ARHGEF3: variants seen among roughly 807,000 people sequenced by gnomAD.
ARHGEF3 encodes the protein Rho guanine nucleotide exchange factor 3.
Under a neutral mutation model 63.2 loss-of-function variants are expected in ARHGEF3, and 28 were observed. The ratio of observed to expected loss-of-function variants is 0.44; its 90% CI spans 0.33 to 0.61. The LOEUF (loss-of-function observed/expected upper bound fraction) is 0.61, where lower values mean the gene tolerates loss of function less well. Among genes scored for constraint, ARHGEF3 ranks in the 20% least tolerant of loss-of-function variants. The pLI is 0.03. For missense variants in ARHGEF3, 533 were observed against 659.3 expected (o/e 0.81, Z 2.10); for synonymous variants, 266 against 254.2 (o/e 1.05, Z -0.44).
At chr3:56,907,297 T>A (rs1201826037) in intron 3 of ARHGEF3, among the ~76,000 whole-genome samples, 1 of 152,268 alleles carries the variant, frequency 6.6e-6, no homozygotes, top group African/African-American at 2.4e-5. Flanking sequence ...CTACTTCTAT[T>A]GGACAACACT....
chr3:56,920,931 T>C (rs2042113910), intron 3 of ARHGEF3, among the ~76,000 whole-genome samples: 1 of 151,588 alleles, frequency 6.6e-6, no homozygotes, highest in African/African-American at 2.4e-5. Flanking sequence ...GGCGGGCACC[T>C]GTAGTCCCAG....
intron 1 of ARHGEF3, among the ~76,000 whole-genome samples, chr3:57,070,983 A>G (rs1705862376): frequency 6.7e-6 from 1 of 149,322 alleles, no homozygotes; most frequent in African/African-American, 2.4e-5. Context: ...AAAAAAAAAA[A>G]AAAAGAAAGA....
intron 3 of ARHGEF3, among the ~76,000 whole-genome samples, chr3:56,952,178 G>C (rs1365861158): frequency 6.6e-6 from 1 of 151,972 alleles, no homozygotes; most frequent in Non-Finnish European, 1.5e-5. Context: ...AAGGAATTTG[G>C]CTCTTCCTCA....
chr3:57,068,987 T>C lies in ARHGEF3; in HGVS notation c.-28+10239A>G, dbSNP rs574987932. On this transcript the variant is annotated intron_variant, in intron 1 of 12. Transcript: ENST00000338458. ...CCCAAGCTGGAGTGCTATGACGTGA[T>C]CTTGGCTCACCGTAACCTCTGCCTC... 1.0e-3 allele frequency among the ~76,000 whole-genome samples: 156 copies of C among 151,500 alleles called. 1 individual carries two copies. Among genetic ancestry groups the C allele is most frequent in the Non-Finnish European group, 1.6e-3 (107 of 67,922 alleles).
At chr3:56,882,199 C>G in intron 4 of ARHGEF3, 1 of 1,239,120 alleles carries the variant, frequency 8.1e-7, no homozygotes, top group East Asian at 2.6e-5. Flanking sequence ...ATCCTGGAAG[C>G]CCACTTCAAG....
intron 3 of ARHGEF3, among the ~76,000 whole-genome samples, chr3:56,941,892 C>T (rs1311377212): frequency 6.6e-6 from 1 of 152,108 alleles, no homozygotes; most frequent in Non-Finnish European, 1.5e-5. Flanking sequence ...ACATTATATG[C>T]CTCTGCATCA....
chr3:57,043,277 C>T (rs1314184981), intron 1 of ARHGEF3, among the ~76,000 whole-genome samples: 6 of 151,884 alleles, frequency 4.0e-5, no homozygotes, highest in South Asian at 2.1e-4. Flanking sequence ...CCACCATGCC[C>T]GGCTAATTTT....
intron 3 of ARHGEF3, among the ~76,000 whole-genome samples, chr3:56,942,376 G>T (rs989133049): frequency 5.3e-5 from 8 of 152,092 alleles, no homozygotes; most frequent in Non-Finnish European, 8.8e-5. Flanking sequence ...ATCTGTTACG[G>T]TGATGTCTGA....
At chr3:56,858,537 C>T (rs888054192) in intron 4 of ARHGEF3, among the ~76,000 whole-genome samples, 42 of 152,148 alleles carry the variant, frequency 2.8e-4, no homozygotes, top group African/African-American at 9.9e-4. Flanking sequence ...GTGGGTTTAC[C>T]TTCTGGTGAG....
intron 3 of ARHGEF3, among the ~76,000 whole-genome samples, chr3:56,955,500 G>C (rs1332153207): frequency 6.6e-6 from 1 of 152,156 alleles, no homozygotes; most frequent in African/African-American, 2.4e-5. Flanking sequence ...ACTGCGCCCG[G>C]CCTGGATCCC....
intron 4 of ARHGEF3, among the ~76,000 whole-genome samples, chr3:56,846,188 T>G (rs1261854608): frequency 6.6e-6 from 1 of 152,230 alleles, no homozygotes; most frequent in Admixed American, 6.5e-5. Flanking sequence ...CAATTCCTTC[T>G]TCACTCCAAC....
At chr3:56,916,806 G>A (rs76543822) in intron 3 of ARHGEF3, among the ~76,000 whole-genome samples, 10 of 152,314 alleles carry the variant, frequency 6.6e-5, no homozygotes, top group African/African-American at 2.2e-4. Flanking sequence ...TCTTCAAAGA[G>A]GAATCAATGA....
intron 2 of ARHGEF3, among the ~76,000 whole-genome samples, chr3:56,756,572 CAG>C (rs2035080070): frequency 9.0e-6 from 1 of 111,368 alleles, no homozygotes; most frequent in Non-Finnish European, 1.7e-5. Context: ...TTTTTTGAGA[CAG>C]AGTCTTGCTC....
intron 2 of ARHGEF3, among the ~76,000 whole-genome samples, chr3:57,032,853 C>G (rs1703789919): frequency 6.6e-6 from 1 of 152,088 alleles, no homozygotes; most frequent in Admixed American, 6.5e-5. Context: ...GGATGCTTCT[C>G]AGAAGAGAAA....
chr3:56,873,734 C>T (rs899924440), intron 4 of ARHGEF3, among the ~76,000 whole-genome samples: 5 of 152,124 alleles, frequency 3.3e-5, no homozygotes, highest in Non-Finnish European at 5.9e-5. Context: ...TTTAGCCTTA[C>T]AACTTTAAGG....
At chr3:56,863,820 C>T (rs553782685) in intron 4 of ARHGEF3, among the ~76,000 whole-genome samples, 109 of 152,206 alleles carry the variant, frequency 7.2e-4, no homozygotes, top group Admixed American at 6.5e-3. Context: ...GGAAAGGACA[C>T]AATTCATCTA....
At chr3:56,809,686 G>A (rs879307913) in intron 4 of ARHGEF3, among the ~76,000 whole-genome samples, 15 of 151,742 alleles carry the variant, frequency 9.9e-5, no homozygotes, top group Non-Finnish European at 1.9e-4. Context: ...GGGGGTTAAG[G>A]ATTCAATAAA....
chr3:56,764,547 C>T (rs777980367), intron 2 of ARHGEF3, among the ~76,000 whole-genome samples: 42 of 152,090 alleles, frequency 2.8e-4, no homozygotes, highest in Non-Finnish European at 5.3e-4. Flanking sequence ...CTGGCACTTA[C>T]CAGCTGTGTG....
intron 2 of ARHGEF3, among the ~76,000 whole-genome samples, chr3:56,766,799 C>T (rs1458223433): frequency 6.6e-6 from 1 of 151,854 alleles, no homozygotes; most frequent in South Asian, 2.1e-4. Flanking sequence ...GAAGCCTTGC[C>T]GTATCAACGG....
Sources: allele counts gnomAD v4.1 joint callset (sites outside exome capture counted in the v4.1 genomes callset), GRCh38; gene constraint gnomAD v4.1.1; transcripts MANE v1.5; gene names NCBI Gene and HGNC (gene_info 2026-07-23, HGNC 2026-07-21).